Variants in NXPH1 observed in about 807,000 individuals in gnomAD.
The protein encoded by NXPH1 is neurexophilin-1.
A neutral mutation model predicts 23.7 loss-of-function variants in NXPH1; 5 were observed. That is an observed-to-expected ratio of 0.21 (90% CI 0.11 to 0.44). The LOEUF (loss-of-function observed/expected upper bound fraction) is 0.44, where lower values mean the gene tolerates loss of function less well. NXPH1 is among the 20% of genes least tolerant of loss of function. The probability of loss-of-function intolerance (pLI) is 0.99; values close to 1 mark genes in which losing one functional copy is unlikely to be tolerated. For missense variants in NXPH1, 324 were observed against 321.6 expected, an observed-to-expected ratio of 1.01 and a Z score of -0.06; for synonymous variants, 144 against 122.2, an observed-to-expected ratio of 1.18 and a Z score of -1.18.
intron 2 of NXPH1, among the ~76,000 whole-genome samples, chr7:8,538,690 A>T (rs970528235): frequency 6.6e-6 from 1 of 151,936 alleles, no homozygotes; most frequent in Non-Finnish European, 1.5e-5. Context: ...GCCTAGACAG[A>T]AGTTATTACA....
chr7:8,490,433 T>G (rs533616636), intron 2 of NXPH1, among the ~76,000 whole-genome samples: 1 of 152,008 alleles, frequency 6.6e-6, no homozygotes, highest in South Asian at 2.1e-4. Context: ...TTAAGCAAAT[T>G]GTAAATTTAA....
At chr7:8,565,939 G>A (rs73235728) in intron 2 of NXPH1, among the ~76,000 whole-genome samples, 12,474 of 151,792 alleles carry the variant, frequency 0.082, 1,679 homozygotes, top group African/African-American at 0.28. Flanking sequence ...TCTTCCTTGA[G>A]TTAAGAATGG....
chr7:8,537,575 C>G (rs1315538709), intron 2 of NXPH1, among the ~76,000 whole-genome samples: 1 of 151,936 alleles, frequency 6.6e-6, no homozygotes, highest in East Asian at 1.9e-4. Flanking sequence ...AGTTACCTCC[C>G]ACCAGGTCCT....
At chr7:8,644,705 T>A (rs772491645) in intron 2 of NXPH1, among the ~76,000 whole-genome samples, 1 of 152,082 alleles carries the variant, frequency 6.6e-6, no homozygotes, top group African/African-American at 2.4e-5. Context: ...TATCTAAATA[T>A]AAAAAATATA....
chr7:8,483,174 T>C (rs918437447), intron 2 of NXPH1, among the ~76,000 whole-genome samples: 4 of 152,126 alleles, frequency 2.6e-5, no homozygotes, highest in African/African-American at 7.2e-5. Context: ...GCTGTGGGAA[T>C]GTACATTAGA....
intron 2 of NXPH1, among the ~76,000 whole-genome samples, chr7:8,603,033 A>T (rs1400266136): frequency 6.6e-6 from 1 of 152,110 alleles, no homozygotes; most frequent in Non-Finnish European, 1.5e-5. Flanking sequence ...TTGGTCTCGA[A>T]CTTCTAGCCT....
chr7:8,474,764 T>C (rs914874542), intron 2 of NXPH1, among the ~76,000 whole-genome samples: 3 of 152,156 alleles, frequency 2.0e-5, no homozygotes, highest in Non-Finnish European at 4.4e-5. Context: ...TACTTTTTCA[T>C]GTCTCTTTTT....
chr7:8,619,767 T>G (rs1819825251), intron 2 of NXPH1, among the ~76,000 whole-genome samples: 1 of 152,222 alleles, frequency 6.6e-6, no homozygotes, highest in Non-Finnish European at 1.5e-5. Flanking sequence ...CTCTGTAGTT[T>G]ACAAAATATA....
chr7:8,448,047 A>G (rs755508809), intron 2 of NXPH1, among the ~76,000 whole-genome samples: 7 of 152,220 alleles, frequency 4.6e-5, no homozygotes, highest in African/African-American at 7.2e-5. Flanking sequence ...CAGATCCCTC[A>G]CTGCAATTCT....
At chr7:8,525,113 A>T (rs1427897071) in intron 2 of NXPH1, among the ~76,000 whole-genome samples, 1 of 152,314 alleles carries the variant, frequency 6.6e-6, no homozygotes, top group South Asian at 2.1e-4. Context: ...AAATTCTGAT[A>T]GCGATATGGA....
intron 2 of NXPH1, among the ~76,000 whole-genome samples, chr7:8,630,682 T>C (rs1389830442): frequency 6.6e-6 from 1 of 152,194 alleles, no homozygotes; most frequent in African/African-American, 2.4e-5. Context: ...TTGCCTTTGA[T>C]ACTACTGAGC....
At chr7:8,554,276 A>C (rs1818321037) in intron 2 of NXPH1, among the ~76,000 whole-genome samples, 2 of 151,792 alleles carry the variant, frequency 1.3e-5, no homozygotes, top group Non-Finnish European at 1.5e-5. Context: ...AATAATAGCC[A>C]GGGGCAATCC....
chr7:8,519,325 G>A (rs962118716), intron 2 of NXPH1, among the ~76,000 whole-genome samples: 1 of 152,152 alleles, frequency 6.6e-6, no homozygotes, highest in Non-Finnish European at 1.5e-5. Flanking sequence ...CCCTTCCTAT[G>A]TAGACAGTCC....
intron 2 of NXPH1, among the ~76,000 whole-genome samples, chr7:8,535,776 A>G (rs996644374): frequency 6.6e-6 from 1 of 151,998 alleles, no homozygotes; most frequent in Non-Finnish European, 1.5e-5. Flanking sequence ...TTAATAATAA[A>G]TTTAATTCAA....
intron 2 of NXPH1, among the ~76,000 whole-genome samples, chr7:8,608,033 A>C (rs928456931): frequency 1.3e-5 from 2 of 152,214 alleles, no homozygotes; most frequent in Non-Finnish European, 2.9e-5. Flanking sequence ...GGAGGAGGTA[A>C]GGAAGGATTC....
intron 2 of NXPH1, among the ~76,000 whole-genome samples, chr7:8,706,272 G>T (rs938713668): frequency 3.9e-5 from 6 of 152,152 alleles, no homozygotes; most frequent in Admixed American, 2.0e-4. Flanking sequence ...CTATTTGATT[G>T]GGCATGTGTG....
intron 2 of NXPH1, among the ~76,000 whole-genome samples, chr7:8,459,150 G>A (rs770804256): frequency 1.3e-5 from 2 of 151,456 alleles, no homozygotes; most frequent in Admixed American, 6.6e-5. Flanking sequence ...TGTCTCTGTG[G>A]TCTAATAATT....
At chr7:8,525,708 C>T (rs979054206) in intron 2 of NXPH1, among the ~76,000 whole-genome samples, 14 of 152,186 alleles carry the variant, frequency 9.2e-5, no homozygotes, top group Admixed American at 2.0e-4. Flanking sequence ...GCTGTGGCTT[C>T]AGAGGTGGAA....
chr7:8,496,844 A>G (rs539694097), intron 2 of NXPH1, among the ~76,000 whole-genome samples: 1 of 152,250 alleles, frequency 6.6e-6, no homozygotes, highest in African/African-American at 2.4e-5. Context: ...ATAAATATAA[A>G]GGAGGTAGGT....
Sources: gnomAD v4.1 joint callset for allele counts (sites outside exome capture counted in the v4.1 genomes callset) on GRCh38, gnomAD v4.1.1 for gene constraint, MANE v1.5 for transcripts, NCBI Gene and HGNC (gene_info 2026-07-23, HGNC 2026-07-21) for gene names.